CASTOR2: variants seen among roughly 807,000 people sequenced by gnomAD.
CASTOR2 encodes cytosolic arginine sensor for mTORC1 subunit 2.
In CASTOR2, 8 loss-of-function variants were observed where a neutral mutation model predicts 31.2. The ratio of observed to expected loss-of-function variants is 0.26; its 90% CI spans 0.15 to 0.46. The LOEUF (loss-of-function observed/expected upper bound fraction) is 0.46. Among genes scored for constraint, CASTOR2 ranks in the 20% least tolerant of loss-of-function variants. The probability of loss-of-function intolerance (pLI) is 0.99; values close to 1 mark genes in which losing one functional copy is unlikely to be tolerated. For missense variants in CASTOR2, 216 were observed against 382.1 expected, an observed-to-expected ratio of 0.57 and a Z score of 3.62; for synonymous variants, 162 against 158.7, an observed-to-expected ratio of 1.02 and a Z score of -0.16.
chr7:74,994,103 A>G (rs1241459753), intron 1 of CASTOR2, among the ~76,000 whole-genome samples: 3 of 152,218 alleles, frequency 2.0e-5, no homozygotes, highest in African/African-American at 7.2e-5. Context: ...GCCGTCCACA[A>G]CAGGCAGCCG....
chr7:74,999,910 G>T (rs1478762336), intron 1 of CASTOR2, among the ~76,000 whole-genome samples: 1 of 152,144 alleles, frequency 6.6e-6, no homozygotes, highest in Non-Finnish European at 1.5e-5. Context: ...ACTGCGCCCG[G>T]CCACTCACTG....
intron 2 of CASTOR2, among the ~76,000 whole-genome samples, chr7:75,009,826 T>C (rs1584472856): frequency 6.6e-6 from 1 of 151,528 alleles, no homozygotes; most frequent in East Asian, 2.0e-4. Flanking sequence ...ACACATGCGC[T>C]TCTCTGCCTG....
intron 1 of CASTOR2, among the ~76,000 whole-genome samples, chr7:74,980,375 C>G (rs1376168870): frequency 1.4e-5 from 1 of 71,358 alleles, no homozygotes; most frequent in East Asian, 3.5e-4. Flanking sequence ...TTTGGCAGGT[C>G]GAAGCGGGAG....
At chr7:75,020,260 T>A in intron 6 of CASTOR2, 111 bp downstream of exon 6, 1 of 1,086,898 alleles carries the variant, frequency 9.2e-7, no homozygotes, top group Non-Finnish European at 1.4e-6. Flanking sequence ...TGTTTTTTTT[T>A]GATACGGGGT....
Position 75,025,598 on chromosome 7 carries a change from G to A in CASTOR2, c.*899G>A, listed in dbSNP as rs888914643. Among the ~76,000 whole-genome samples the A allele has an allele frequency of 6.6e-6, 1 of 152,186 alleles. No individual in the cohort carries two copies. The highest frequency in any genetic ancestry group is 1.5e-5 in the Non-Finnish European group (1 of 68,018). On this transcript the variant is annotated 3_prime_UTR_variant, in exon 9 of 9. Coordinates refer to ENST00000616305, the MANE Select transcript of CASTOR2 (RefSeq NM_001145064.3). ...CAACTAGACCAGCATAGGACTCCCC[G>A]CCGTCCTCCTCCCTCCTCTGCCCCC...
intron 1 of CASTOR2, among the ~76,000 whole-genome samples, chr7:74,990,881 A>T (rs1472866497): frequency 6.6e-6 from 1 of 151,992 alleles, no homozygotes; most frequent in Non-Finnish European, 1.5e-5. Flanking sequence ...ATAAGAAATT[A>T]GTTGGGTGTG....
chr7:75,022,861 G>GA (rs1366693583), intron 7 of CASTOR2, among the ~76,000 whole-genome samples: 34 of 151,848 alleles, frequency 2.2e-4, no homozygotes, highest in Admixed American at 7.9e-4. Flanking sequence ...AAATTAAAGA[G>GA]AAAAAAAATC....
chr7:75,009,262 CTTTTTTTTT>C lies in CASTOR2; in HGVS notation c.184+1215_184+1223del, dbSNP rs1161937896. Among the ~76,000 whole-genome samples the C allele has an allele frequency of 1.2e-4, 7 of 60,302 alleles. No homozygotes were observed. In the East Asian group the frequency reaches 2.4e-3, roughly 21 times the overall value. 39.6% of individuals were successfully genotyped at this position (60,302 alleles called of 152,430 possible). ...TGAGCCACCTTGCCTGGCCTGAGAACTTTTTTTTTTTTTTTTTTTTTTTTTGAGACGGAG... is the reference window on the plus strand; with the variant it reads ...TGAGCCACCTTGCCTGGCCTGAGAACTTTTTTTTTTTTTTTTGAGACGGAG... On this transcript the variant is annotated intron_variant, in intron 2 of 8. Coordinates refer to ENST00000616305, the MANE Select transcript of CASTOR2 (RefSeq NM_001145064.3).
intron 1 of CASTOR2, among the ~76,000 whole-genome samples, chr7:75,007,023 G>A (rs1411055502): frequency 1.3e-5 from 2 of 152,158 alleles, no homozygotes; most frequent in African/African-American, 4.8e-5. Context: ...ATGGGTGGGG[G>A]TGCAGAGCCC....
rs1279710784 is a variant in CASTOR2, at chr7:75,027,253, G to A, written c.*2554G>A. 4 of 152,308 alleles carry A rather than the reference G, an allele frequency of 2.6e-5. No individual in the cohort carries two copies. Among genetic ancestry groups the A allele is most frequent in the African/African-American group, 9.7e-5 (4 of 41,446 alleles). 9.4% of individuals were successfully genotyped at this position (152,308 alleles called of 1,614,324 possible). ...AGCCTGTGACATGGGACGTGGGAAG[G>A]GTGCTGAGAGCCCGCTGTGGCGTGG... is the stretch of plus-strand genomic sequence containing the variant. On this transcript the variant is annotated 3_prime_UTR_variant, in exon 9 of 9. Transcript: ENST00000616305.
At chr7:75,006,752 AG>A (rs1455720929) in intron 1 of CASTOR2, among the ~76,000 whole-genome samples, 3 of 152,064 alleles carry the variant, frequency 2.0e-5, no homozygotes, top group African/African-American at 4.8e-5. Flanking sequence ...GGTTTTATAA[AG>A]GGTAGTTCCC....
chr7:75,017,943 T>G, intron 3 of CASTOR2, 47 bp from the exon 4 acceptor site: 1 of 1,613,716 alleles, frequency 6.2e-7, no homozygotes, highest in Non-Finnish European at 8.5e-7. Context: ...CAGACCCACA[T>G]CCCCCAGGGC....
chr7:74,995,659 T>G (rs1357313106), intron 1 of CASTOR2, among the ~76,000 whole-genome samples: 31 of 151,564 alleles, frequency 2.0e-4, no homozygotes, highest in Non-Finnish European at 7.4e-5. Context: ...TACAAAAAAT[T>G]TAGCCAGGTG....
In CASTOR2 at chr7:75,030,481, G is replaced by A. The variant is rs947946706; in HGVS notation, c.*5782G>A. The stretch of plus-strand genomic sequence containing the variant: ...CTTGTCAGAACTACTCTGGAGGGGG[G>A]CAAAGGTGTCAGGAACAGTTTGAGC... On this transcript the variant is annotated 3_prime_UTR_variant, in exon 9 of 9. Transcript: ENST00000616305. Among the ~76,000 whole-genome samples, 278 of 152,296 alleles carry A rather than the reference G, an allele frequency of 1.8e-3. 2 individuals are homozygous for A. The highest frequency in any genetic ancestry group is 6.1e-3 in the African/African-American group (253 of 41,562).
chr7:74,965,880 ACACTCT>A lies in CASTOR2; in HGVS notation c.113+784_113+789del, dbSNP rs1316874046. Among the ~76,000 whole-genome samples the A allele has an allele frequency of 6.1e-4, 13 of 21,482 alleles. 3 individuals are homozygous for A. The highest frequency in any genetic ancestry group is 9.0e-4 in the Non-Finnish European group (11 of 12,248). 14.1% of individuals were successfully genotyped at this position (21,482 alleles called of 152,430 possible). A position where few individuals can be genotyped will look rare whatever the true frequency, so the allele number is the denominator to read the frequency against. On this transcript the variant is annotated intron_variant, in intron 1 of 8. Transcript: ENST00000616305. ...CACACACACACACACACACACACACACACTCTCTCTCTCTCTCTCTCTCTCTCTCTC... is the reference window on the plus strand; with the variant it reads ...CACACACACACACACACACACACACACTCTCTCTCTCTCTCTCTCTCTCTC...
intron 1 of CASTOR2, among the ~76,000 whole-genome samples, chr7:75,004,934 TGGC>T (rs1804573644): frequency 6.6e-6 from 1 of 152,066 alleles, no homozygotes; most frequent in Non-Finnish European, 1.5e-5. Context: ...GGCGTGATCT[TGGC>T]TCATTGCAAC....
chr7:75,002,799 G>C (rs1479853434), intron 1 of CASTOR2, among the ~76,000 whole-genome samples: 2 of 151,898 alleles, frequency 1.3e-5, no homozygotes, highest in Non-Finnish European at 2.9e-5. Context: ...GAGTATAGAA[G>C]ACATGGGGTC....
chr7:74,998,420 A>G (rs1336477123), intron 1 of CASTOR2, among the ~76,000 whole-genome samples: 1 of 152,142 alleles, frequency 6.6e-6, no homozygotes, highest in Non-Finnish European at 1.5e-5. Flanking sequence ...CCTGGCCAAC[A>G]TGGCGAAACC....
In CASTOR2 at chr7:75,020,045, G is replaced by A. The variant is rs2131955777; in HGVS notation, c.642G>A (p.Lys214=). ...MDVMFYSNGV[K]DPMATGDDCG... ...AGCTGCCTCTGGTCCCCAGAGTGAA[G>A]GACCCCATGGCCACTGGGGATGACT... is the stretch of plus-strand genomic sequence containing the variant. Residue 214 remains lysine, a synonymous_variant, in exon 6 of 9, where the codon AAG becomes AAA. Transcript: ENST00000616305. 1.3e-6 allele frequency: 2 copies of A among 1,551,360 alleles called. No homozygotes were observed. The highest frequency in any genetic ancestry group is 1.7e-4 in the Middle Eastern group (1 of 5,892).
Sources: allele counts gnomAD v4.1 joint callset (sites outside exome capture counted in the v4.1 genomes callset), GRCh38; gene constraint gnomAD v4.1.1; transcripts MANE v1.5; gene names NCBI Gene and HGNC (gene_info 2026-07-23, HGNC 2026-07-21).